Variants in EXT1 observed in about 807,000 individuals in gnomAD.
EXT1 encodes exostosin-1.
EXT1 carries 20 observed loss-of-function variants against 82.5 expected under a neutral mutation model. The observed-to-expected ratio is 0.24, with a 90% confidence interval of 0.17 to 0.35. EXT1 has a LOEUF of 0.35. Ranked by LOEUF, EXT1 falls within the 10% of genes least tolerant of loss-of-function variation. EXT1 has a pLI of 1.00. For synonymous variants in EXT1, 348 were observed against 350.8 expected (o/e 0.99, Z 0.09); for missense variants, 757 against 936.5 (o/e 0.81, Z 2.50).
intron 7 of EXT1, among the ~76,000 whole-genome samples, chr8:117,816,970 T>C (rs1174012946): frequency 2.0e-5 from 3 of 151,596 alleles, no homozygotes; most frequent in Admixed American, 1.3e-4. Flanking sequence ...AACACTGCCA[T>C]TCCTATGATG....
chr8:117,944,880 C>T (rs887215703), intron 1 of EXT1, among the ~76,000 whole-genome samples: 4 of 151,826 alleles, frequency 2.6e-5, no homozygotes, highest in Admixed American at 2.0e-4. Flanking sequence ...TAGATCATCT[C>T]GGCCAGGCGC....
Position 117,867,436 on chromosome 8 carries a change from A to T in EXT1, c.963-30235T>A, listed in dbSNP as rs1812794134. On this transcript the variant is annotated intron_variant, in intron 1 of 10. Transcript: ENST00000378204. ...GGGCAATTCCATTTTTGGCTATTCC[A>T]TGGAGACAAACCAATTAGTGTGGAT... Among the ~76,000 whole-genome samples the T allele has an allele frequency of 2.6e-5, 4 of 152,164 alleles. No individual in the cohort carries two copies. The South Asian group carries it at 8.3e-4, about 32-fold the overall frequency.
intron 1 of EXT1, among the ~76,000 whole-genome samples, chr8:117,950,275 C>T (rs1814467897): frequency 6.6e-6 from 1 of 152,116 alleles, no homozygotes. Flanking sequence ...AAATCACTAA[C>T]AAGGAAAGTT....
At chr8:117,932,182 T>G (rs1410400088) in intron 1 of EXT1, among the ~76,000 whole-genome samples, 1 of 152,214 alleles carries the variant, frequency 6.6e-6, no homozygotes, top group Non-Finnish European at 1.5e-5. Context: ...GTGCTTTAAC[T>G]TCTAAATGTT....
chr8:118,025,725 G>T (rs1410316343), intron 1 of EXT1, among the ~76,000 whole-genome samples: 1 of 152,122 alleles, frequency 6.6e-6, no homozygotes, highest in Non-Finnish European at 1.5e-5. Flanking sequence ...AAAATGTGAT[G>T]AAGGAGTCTT....
intron 1 of EXT1, among the ~76,000 whole-genome samples, chr8:118,106,302 G>A (rs1817802209): frequency 6.6e-6 from 1 of 152,316 alleles, no homozygotes; most frequent in Admixed American, 6.5e-5. Flanking sequence ...AAGGGTGCCT[G>A]AGAATAGAAA....
At chr8:117,854,303 T>C (rs1812503935) in intron 1 of EXT1, among the ~76,000 whole-genome samples, 1 of 149,630 alleles carries the variant, frequency 6.7e-6, no homozygotes. Flanking sequence ...TTACAGGACC[T>C]ACCCAGGGAC....
intron 1 of EXT1, among the ~76,000 whole-genome samples, chr8:117,938,907 T>C (rs1174129983): frequency 6.6e-6 from 1 of 152,212 alleles, no homozygotes; most frequent in Non-Finnish European, 1.5e-5. Flanking sequence ...AAGCACTCCA[T>C]CCTAGCACAC....
At chr8:117,835,710 C>A (rs2129787299) in intron 2 of EXT1, among the ~76,000 whole-genome samples, 159 bp from the exon 3 acceptor site, 1 of 152,306 alleles carries the variant, frequency 6.6e-6, no homozygotes. Context: ...TATGAGTTAT[C>A]AAGTCACACG....
At chr8:117,939,950 G>T (rs1474816650) in intron 1 of EXT1, among the ~76,000 whole-genome samples, 1 of 152,242 alleles carries the variant, frequency 6.6e-6, no homozygotes, top group African/African-American at 2.4e-5. Flanking sequence ...CTATTGGATT[G>T]TGACTGTAAC....
rs1817176610 is a variant in EXT1 at position 118,074,858 on chromosome 8, T to TCC, written c.962+35226_962+35227insGG. Among the ~76,000 whole-genome samples, 4 of 152,186 alleles carry TCC rather than the reference T, an allele frequency of 2.6e-5. No individual in the cohort carries two copies. The South Asian group carries it at 8.3e-4, about 32-fold the overall frequency. ...ACGAGAAAAAAAAGATGGATGAGGG[T>TCC]CACAGCTTGCTCTGGGCAAATTGGA... is the stretch of plus-strand genomic sequence containing the variant. On this transcript the variant is annotated intron_variant, in intron 1 of 10. Coordinates refer to ENST00000378204, the MANE Select transcript of EXT1 (RefSeq NM_000127.3).
At chr8:117,816,964 C>A (rs1363776593) in intron 7 of EXT1, among the ~76,000 whole-genome samples, 14 of 151,968 alleles carry the variant, frequency 9.2e-5, no homozygotes, top group African/African-American at 3.4e-4. Flanking sequence ...AATTGGAACA[C>A]TGCCATTCCT....
rs117101751 is a variant in EXT1 at position 117,835,646 on chromosome 8, T to C, written c.1057-95A>G. ...ATCAGTACAAACTCAATGACTGGCA[T>C]TTTTGACACTGCATGAATCCTGGAC... On this transcript the variant is annotated intron_variant, in intron 2 of 10. Transcript: ENST00000378204. 1.1e-3 allele frequency: 1,003 copies of C among 891,338 alleles called. 10 individuals are homozygous for C. The East Asian group carries it at 0.023, about 20-fold the overall frequency. 55.2% of individuals were successfully genotyped at this position (891,338 alleles called of 1,614,324 possible). A position where few individuals can be genotyped will look rare whatever the true frequency, so the allele number is the denominator to read the frequency against.
At chr8:117,874,575 C>CGAAAAAAAAAAAAAAAAAA (rs1812933261) in intron 1 of EXT1, among the ~76,000 whole-genome samples, 1 of 69,790 alleles carries the variant, frequency 1.4e-5, no homozygotes, top group Non-Finnish European at 2.9e-5. Flanking sequence ...GACTCTGCCT[C>CGAAAAAAAAAAAAAAAAAA]AAAAAAAAAA....
intron 1 of EXT1, among the ~76,000 whole-genome samples, chr8:117,857,862 A>G (rs953472712): frequency 3.9e-5 from 6 of 152,244 alleles, no homozygotes; most frequent in African/African-American, 1.4e-4. Context: ...GCCATAAAGA[A>G]CATTCATAAT....
rs985427127 is a variant in EXT1, at chr8:117,861,992, G to A, written c.963-24791C>T. Among the ~76,000 whole-genome samples, 8 of 145,750 alleles carry A rather than the reference G, an allele frequency of 5.5e-5. 1 individual carries two copies. The highest frequency in any genetic ancestry group is 3.1e-5 in the Non-Finnish European group (2 of 64,882). ...AATTTTAAGCCACGGACATTAGTGT[G>A]AAACTTTACAGCTTCAAACTTTCAA... On this transcript the variant is annotated intron_variant, in intron 1 of 10. Coordinates refer to ENST00000378204, the MANE Select transcript of EXT1 (RefSeq NM_000127.3).
chr8:117,948,601 T>C (rs913161040), intron 1 of EXT1, among the ~76,000 whole-genome samples: 2 of 152,226 alleles, frequency 1.3e-5, no homozygotes, highest in East Asian at 1.9e-4. Context: ...GAAATTTGTA[T>C]AGGAAATCCT....
At chr8:118,041,366 A>C (rs1006427269) in intron 1 of EXT1, among the ~76,000 whole-genome samples, 2 of 152,196 alleles carry the variant, frequency 1.3e-5, no homozygotes, top group African/African-American at 2.4e-5. Context: ...AATCCATTTA[A>C]AATCCAGCAC....
chr8:117,805,929 A>G (rs1032458203), intron 9 of EXT1, among the ~76,000 whole-genome samples: 4 of 152,182 alleles, frequency 2.6e-5, no homozygotes, highest in African/African-American at 9.6e-5. Flanking sequence ...GGATGTCTTA[A>G]CATGTCCAAG....
Sources: allele counts gnomAD v4.1 joint callset (sites outside exome capture counted in the v4.1 genomes callset), GRCh38; gene constraint gnomAD v4.1.1; transcripts MANE v1.5; gene names NCBI Gene and HGNC (gene_info 2026-07-23, HGNC 2026-07-21).